The following EPB41L2 variants were observed in gnomAD, a reference collection of about 807,000 sequenced individuals.
EPB41L2 encodes the protein band 4.1-like protein 2.
EPB41L2 carries 43 observed loss-of-function variants against 113.0 expected under a neutral mutation model. That is an observed-to-expected ratio of 0.38 (90% confidence interval 0.30 to 0.49). The LOEUF is 0.49. Ranked by LOEUF, EPB41L2 falls within the 20% of genes least tolerant of loss-of-function variation. The pLI is 0.95. For missense variants in EPB41L2, 1,147 were observed against 1,223.4 expected (o/e 0.94, Z 0.93); for synonymous variants, 442 against 436.7 (o/e 1.01, Z -0.15).
intron 1 of EPB41L2, among the ~76,000 whole-genome samples, chr6:131,048,453 A>C (rs1795917082): frequency 6.6e-6 from 1 of 152,242 alleles, no homozygotes; most frequent in African/African-American, 2.4e-5. Flanking sequence ...AAAACATCAC[A>C]ACAGTATGTC....
intron 1 of EPB41L2, chr6:131,062,643 C>G (rs1460062880): frequency 6.6e-6 from 1 of 151,770 alleles, no homozygotes; most frequent in African/African-American, 2.4e-5. Context: ...CCGCGCTTCC[C>G]CTCCTAAAAC....
intron 1 of EPB41L2, among the ~76,000 whole-genome samples, chr6:131,016,009 G>C (rs970719296): frequency 6.6e-6 from 1 of 152,200 alleles, no homozygotes; most frequent in African/African-American, 2.4e-5. Flanking sequence ...CTTTCTTGAA[G>C]ATAGGTTCCA....
chr6:130,935,698 T>A (rs961645033), intron 3 of EPB41L2, among the ~76,000 whole-genome samples: 3 of 152,240 alleles, frequency 2.0e-5, no homozygotes, highest in African/African-American at 7.2e-5. Context: ...ATCTCATTCA[T>A]AACTACACAC....
intron 1 of EPB41L2, among the ~76,000 whole-genome samples, chr6:130,987,503 C>T (rs1584293760): frequency 6.6e-6 from 1 of 151,970 alleles, no homozygotes; most frequent in East Asian, 1.9e-4. Flanking sequence ...GACCAGTCTG[C>T]CCAACATGGT....
At chr6:131,041,894 T>C (rs937069161) in intron 1 of EPB41L2, among the ~76,000 whole-genome samples, 2 of 152,202 alleles carry the variant, frequency 1.3e-5, no homozygotes, top group Admixed American at 6.5e-5. Flanking sequence ...TGAACACACA[T>C]TGAATATTTG....
intron 1 of EPB41L2, among the ~76,000 whole-genome samples, chr6:131,044,510 C>G (rs1795056223): frequency 6.6e-6 from 1 of 152,112 alleles, no homozygotes; most frequent in Admixed American, 6.5e-5. Flanking sequence ...TCTTTTTCAT[C>G]TTCAAATAAC....
At position 130,869,746 on chromosome 6, in the gene EPB41L2, G is replaced by A. The variant is rs1785028025; in HGVS notation, c.2424C>T (p.Ile808=). The A allele has an allele frequency of 6.2e-7, 1 of 1,614,022 alleles. No homozygotes were observed. Among genetic ancestry groups the A allele is most frequent in the Non-Finnish European group, 8.5e-7 (1 of 1,180,038 alleles). ...TTTCCTGGATCACTGTTTCTACTGT[G>A]ATTACACTGGCACCTGCTTGTGTGA... ...SPVTQAGASV[I]TVETVIQENV... The change falls in exon 15 of 20, where the codon ATC becomes ATT. Residue 808 remains isoleucine (I), a synonymous_variant. Transcript: ENST00000337057.
intron 1 of EPB41L2, among the ~76,000 whole-genome samples, chr6:130,976,291 T>C (rs1201754684): frequency 6.6e-6 from 1 of 152,224 alleles, no homozygotes; most frequent in Non-Finnish European, 1.5e-5. Context: ...ACTAGCACCT[T>C]GGCTCTAATG....
intron 1 of EPB41L2, among the ~76,000 whole-genome samples, chr6:130,958,932 G>A (rs1818423985): frequency 6.6e-6 from 1 of 152,194 alleles, no homozygotes; most frequent in African/African-American, 2.4e-5. Context: ...GTAAAGCACA[G>A]GATGAAAGAA....
chr6:131,050,607 A>G (rs1796324711), intron 1 of EPB41L2, among the ~76,000 whole-genome samples: 1 of 152,210 alleles, frequency 6.6e-6, no homozygotes, highest in Non-Finnish European at 1.5e-5. Flanking sequence ...CCTAAAACCC[A>G]CACTCGAAAA....
chr6:130,867,903 C>A, intron 15 of EPB41L2: 1 of 333,406 alleles, frequency 3.0e-6, no homozygotes, highest in Non-Finnish European at 5.7e-6. Flanking sequence ...TAAGATGGTC[C>A]CAAACTACTT....
In EPB41L2 at chr6:130,869,859, G is replaced by C; in HGVS notation, c.2311C>G (p.Gln771Glu). Residue 771 changes from glutamine to glutamate, a missense_variant, in exon 15 of 20, where the codon CAG (glutamine) becomes GAG (glutamate). Gln to Glu is a conservative substitution (Grantham distance 29). Transcript: ENST00000337057. Reference sequence around the variant, plus strand: ...TCCTCCACCTCTTCTTCATACTCCTGTTCCTCCCTGATGGTGCCCTCGGTC... The same window carrying C: ...TCCTCCACCTCTTCTTCATACTCCTCTTCCTCCCTGATGGTGCCCTCGGTC... ...RVTEGTIREE[Q>E]EYEEEVEEEP... 6.2e-7 allele frequency: 1 copy of C among 1,613,368 alleles called. No individual in the cohort carries two copies. Among genetic ancestry groups the C allele is most frequent in the Non-Finnish European group, 8.5e-7 (1 of 1,179,960 alleles).
intron 15 of EPB41L2, chr6:130,868,458 TG>T (rs1347941148): frequency 6.6e-6 from 1 of 152,220 alleles, no homozygotes; most frequent in East Asian, 1.9e-4. Flanking sequence ...ACCAAAATAC[TG>T]CAGTACTTTC....
At chr6:131,057,173 T>G (rs1349261963) in intron 1 of EPB41L2, among the ~76,000 whole-genome samples, 1 of 152,180 alleles carries the variant, frequency 6.6e-6, no homozygotes, top group Non-Finnish European at 1.5e-5. Context: ...CAAAACCCTT[T>G]CAAAAACCAC....
chr6:130,872,537 C>T (rs548854816), intron 14 of EPB41L2: 183 of 1,288,668 alleles, frequency 1.4e-4, no homozygotes, highest in Middle Eastern at 6.6e-4. Flanking sequence ...CTCTTCTAGG[C>T]TCTAGAGAGG....
intron 1 of EPB41L2, among the ~76,000 whole-genome samples, chr6:131,029,395 A>ATTTT (rs1562765033): frequency 2.7e-5 from 4 of 149,788 alleles, no homozygotes; most frequent in African/African-American, 9.8e-5. Context: ...TTTGTTTAAA[A>ATTTT]AAAAAAAAAA....
intron 19 of EPB41L2, among the ~76,000 whole-genome samples, chr6:130,857,671 G>A (rs1226456701): frequency 1.4e-5 from 2 of 145,276 alleles, no homozygotes; most frequent in African/African-American, 5.1e-5. Flanking sequence ...TGATTCTCCT[G>A]CCTCAGGCTC....
Position 130,911,123 on chromosome 6 carries a change from C to T in EPB41L2, c.811-2260G>A, listed in dbSNP as rs1378047248. The stretch of plus-strand genomic sequence containing the variant: ...CACAATAGCAATGACTTGGAACCAA[C>T]TCAAATGCCTATCAATGATAGACTG... On this transcript the variant is annotated intron_variant, in intron 4 of 19. Coordinates refer to ENST00000337057, the MANE Select transcript of EPB41L2 (RefSeq NM_001431.4). Among the ~76,000 whole-genome samples, 7 of 152,324 alleles carry T rather than the reference C, an allele frequency of 4.6e-5. No homozygotes were observed. In the East Asian group the frequency reaches 1.3e-3, roughly 29 times the overall value.
chr6:130,915,437 T>C (rs1800722042), intron 4 of EPB41L2, among the ~76,000 whole-genome samples: 1 of 152,202 alleles, frequency 6.6e-6, no homozygotes, highest in South Asian at 2.1e-4. Context: ...CACTGTCAAT[T>C]AGGAACATAG....
Sources: allele counts gnomAD v4.1 joint callset (sites outside exome capture counted in the v4.1 genomes callset), GRCh38; gene constraint gnomAD v4.1.1; transcripts MANE v1.5; gene names NCBI Gene and HGNC (gene_info 2026-07-23, HGNC 2026-07-21).